Variants in CFAP47 observed in about 807,000 individuals in gnomAD.
CFAP47 encodes the protein cilia and flagella associated protein 47, also known as cilia- and flagella-associated protein 47.
In CFAP47, 29 loss-of-function variants were observed where a neutral mutation model predicts 148.1. The ratio of observed to expected loss-of-function variants is 0.20; its 90% CI spans 0.15 to 0.27. The LOEUF (loss-of-function observed/expected upper bound fraction) is 0.27. Ranked by LOEUF, CFAP47 falls within the 10% of genes least tolerant of loss-of-function variation. The pLI is 1.00. For missense variants in CFAP47, 1,872 were observed against 1,697.5 expected (o/e 1.10, Z -1.81); for synonymous variants, 664 against 577.3 (o/e 1.15, Z -2.15).
intron 54 of CFAP47, among the ~76,000 whole-genome samples, chrX:36,306,310 G>A (rs182389517): frequency 8.2e-4 from 92 of 111,517 alleles, no homozygotes; most frequent in Non-Finnish European, 1.4e-3. Context: ...AGGAGGAAGA[G>A]GAAAATTTCC....
intron 48 of CFAP47, among the ~76,000 whole-genome samples, chrX:36,245,864 T>C (rs1164232600): frequency 1.8e-5 from 2 of 111,647 alleles, no homozygotes; most frequent in African/African-American, 6.5e-5. Flanking sequence ...TGTCTATCCA[T>C]ATGCAGAAGA....
intron 27 of CFAP47, 30 bp from the exon 28 acceptor site, chrX:36,071,795 G>T (rs757474464): frequency 2.9e-5 from 34 of 1,180,158 alleles, no homozygotes; most frequent in Non-Finnish European, 3.8e-5. Flanking sequence ...TGCATGTTTT[G>T]CTTACTGTGA....
At chrX:36,236,230 AATAC>A (rs1352538815) in intron 47 of CFAP47, among the ~76,000 whole-genome samples, 153 bp downstream of exon 47, 4 of 112,445 alleles carry the variant, frequency 3.6e-5, no homozygotes, top group African/African-American at 1.3e-4. Flanking sequence ...TTAAAACTTT[AATAC>A]ATGTTTTAAT....
intron 56 of CFAP47, among the ~76,000 whole-genome samples, chrX:36,314,542 C>T (rs918947190): frequency 9.0e-6 from 1 of 111,579 alleles, no homozygotes; most frequent in African/African-American, 3.3e-5. Context: ...ATGATTGGCA[C>T]AAGAGTAGGC....
At chrX:36,172,334 T>C (rs1463829679) in intron 39 of CFAP47, among the ~76,000 whole-genome samples, 2 of 107,057 alleles carry the variant, frequency 1.9e-5, no homozygotes, top group African/African-American at 3.4e-5. Context: ...TCCAACACTA[T>C]GTTGAATAGG....
intron 33 of CFAP47, among the ~76,000 whole-genome samples, chrX:36,110,008 A>G (rs987891841): frequency 2.7e-5 from 3 of 111,458 alleles, no homozygotes; most frequent in Non-Finnish European, 5.6e-5. Flanking sequence ...TATTCCTTAT[A>G]TTAGACCTTT....
At chrX:35,962,349 T>C (rs919977931) in intron 8 of CFAP47, among the ~76,000 whole-genome samples, 1 of 111,502 alleles carries the variant, frequency 9.0e-6, no homozygotes, top group Non-Finnish European at 1.9e-5. Flanking sequence ...AATTGGCTTA[T>C]GATGTTTTTC....
At chrX:36,060,177 A>AATGTCC (rs1937582921) in intron 26 of CFAP47, among the ~76,000 whole-genome samples, 1 of 111,743 alleles carries the variant, frequency 8.9e-6, no homozygotes, top group East Asian at 2.8e-4. Context: ...AGACTAAGAC[A>AATGTCC]ATGTCCATGT....
At chrX:36,055,104 A>ATT (rs747236961) in intron 26 of CFAP47, among the ~76,000 whole-genome samples, 1 of 102,042 alleles carries the variant, frequency 9.8e-6, no homozygotes, top group Non-Finnish European at 2.0e-5. Context: ...ATTTTTTCTT[A>ATT]TTTTTTTTTT....
At chrX:36,338,035 A>ATTTTTTT (rs1209274928) in intron 57 of CFAP47, among the ~76,000 whole-genome samples, 38 of 46,577 alleles carry the variant, frequency 8.2e-4, no homozygotes, top group Middle Eastern at 0.02. Flanking sequence ...ACGCCTGGCT[A>ATTTTTTT]TTTTTTTTTT....
chrX:35,981,455 G>T (rs748368428), intron 15 of CFAP47, among the ~76,000 whole-genome samples: 1 of 108,521 alleles, frequency 9.2e-6, no homozygotes, highest in African/African-American at 3.3e-5. Context: ...AAAGTAAGAG[G>T]ATAAAAAACT....
chrX:36,046,265 G>A (rs1937464665), intron 25 of CFAP47, among the ~76,000 whole-genome samples: 1 of 110,026 alleles, frequency 9.1e-6, no homozygotes, highest in Non-Finnish European at 1.9e-5. Flanking sequence ...CAATTTTAAA[G>A]TGAATACTAT....
intron 27 of CFAP47, among the ~76,000 whole-genome samples, chrX:36,067,684 A>T (rs1475739104): frequency 6.8e-5 from 6 of 88,487 alleles, no homozygotes; most frequent in African/African-American, 2.7e-4. Flanking sequence ...TTTCTTGGAG[A>T]TGGAGTCTCG....
At chrX:36,235,514 C>T (rs968189080) in intron 46 of CFAP47, among the ~76,000 whole-genome samples, 4 of 112,152 alleles carry the variant, frequency 3.6e-5, no homozygotes, top group Admixed American at 9.3e-5. Flanking sequence ...TTCCAGGTGC[C>T]GTCTGTCATC....
intron 10 of CFAP47, 112 bp from the exon 11 acceptor site, chrX:35,970,656 T>C: frequency 2.0e-6 from 1 of 496,615 alleles, no homozygotes; most frequent in Non-Finnish European, 3.3e-6. Context: ...TCTGTTCTAT[T>C]TGCCATTCCA....
chrX:36,338,036 T>C (rs868914654), intron 57 of CFAP47, among the ~76,000 whole-genome samples: 1 of 54,037 alleles, frequency 1.9e-5, no homozygotes. Flanking sequence ...CGCCTGGCTA[T>C]TTTTTTTTTT....
intron 62 of CFAP47, chrX:36,374,643 T>A (rs2147002711): frequency 3.7e-6 from 1 of 272,755 alleles, no homozygotes; most frequent in South Asian, 7.6e-5. Flanking sequence ...CTGCCTTTTT[T>A]AATGTAGATA....
intron 1 of CFAP47, among the ~76,000 whole-genome samples, chrX:35,924,273 ATG>A (rs1935675330): frequency 9.9e-6 from 1 of 100,663 alleles, no homozygotes; most frequent in Non-Finnish European, 1.9e-5. Flanking sequence ...GTGTACATGT[ATG>A]TGTATATGTA....
rs1938071155 is a variant in CFAP47 at position 36,085,632 on chromosome X, T to C, written c.4916+94T>C. ...GATAGACTTTGATATTATTTTCCTT[T>C]CTAACCAAACACACACACACACACA... On this transcript the variant is annotated intron_variant, in intron 30 of 63. Coordinates refer to ENST00000378653, the MANE Select transcript of CFAP47 (RefSeq NM_001304548.2). The C allele has an allele frequency of 9.2e-6, 4 of 435,397 alleles. No homozygotes were observed. In the Admixed American group the frequency reaches 1.2e-4, roughly 13 times the overall value. The allele number at this position is 435,397 out of a possible 1,213,427, so 35.9% of individuals were successfully genotyped here.
Sources: allele counts gnomAD v4.1 joint callset (sites outside exome capture counted in the v4.1 genomes callset), GRCh38; gene constraint gnomAD v4.1.1; transcripts MANE v1.5; gene names NCBI Gene and HGNC (gene_info 2026-07-23, HGNC 2026-07-21).